The following CACNA1C variants were observed in gnomAD, a reference collection of about 807,000 sequenced individuals.
CACNA1C encodes voltage-dependent L-type calcium channel subunit alpha-1C.
In CACNA1C, 30 loss-of-function variants were observed where a neutral mutation model predicts 229.0. The observed-to-expected ratio is 0.13, with a 90% CI of 0.10 to 0.18. The LOEUF (loss-of-function observed/expected upper bound fraction) is 0.18, where lower values mean the gene tolerates loss of function less well. Among genes scored for constraint, CACNA1C ranks in the 10% least tolerant of loss-of-function variants. CACNA1C has a pLI of 1.00. For missense variants in CACNA1C, 1,658 were observed against 2,845.0 expected (o/e 0.58, Z 9.49); for synonymous variants, 1,114 against 1,132.5 (o/e 0.98, Z 0.33).
intron 4 of CACNA1C, among the ~76,000 whole-genome samples, chr12:2,456,596 G>C (rs1463660146): frequency 6.6e-6 from 1 of 152,100 alleles, no homozygotes; most frequent in Non-Finnish European, 1.5e-5. Flanking sequence ...TGGCTTACCT[G>C]CTTCCTCTGC....
intron 3 of CACNA1C, among the ~76,000 whole-genome samples, chr12:2,190,693 GCT>G (rs1181709562): frequency 1.3e-5 from 2 of 152,212 alleles, no homozygotes; most frequent in Non-Finnish European, 2.9e-5. Flanking sequence ...GGAGCACAGT[GCT>G]CTGAGTAGCC....
At chr12:2,259,797 A>C (rs2079369387) in intron 3 of CACNA1C, among the ~76,000 whole-genome samples, 1 of 152,324 alleles carries the variant, frequency 6.6e-6, no homozygotes, top group East Asian at 1.9e-4. Context: ...TTAGCCAGGC[A>C]TGGTGGCACG....
intron 3 of CACNA1C, among the ~76,000 whole-genome samples, chr12:2,180,970 A>G (rs534079455): frequency 1.8e-3 from 275 of 152,312 alleles, no homozygotes; most frequent in Non-Finnish European, 3.5e-3. Context: ...GATGACAACA[A>G]GAATAAAATA....
chr12:2,163,151 C>T (rs567701931), intron 3 of CACNA1C, among the ~76,000 whole-genome samples: 48 of 146,024 alleles, frequency 3.3e-4, no homozygotes, highest in African/African-American at 1.1e-3. Flanking sequence ...TGAGCCGAGC[C>T]GAGATCACGC....
At chr12:2,555,590 A>T (rs1036639872) in intron 10 of CACNA1C, among the ~76,000 whole-genome samples, 1 of 152,204 alleles carries the variant, frequency 6.6e-6, no homozygotes, top group African/African-American at 2.4e-5. Flanking sequence ...TGTGGCTGTA[A>T]ATAACAATGC....
At chr12:2,583,700 T>G (rs575139327) in intron 15 of CACNA1C, among the ~76,000 whole-genome samples, 1 of 152,352 alleles carries the variant, frequency 6.6e-6, no homozygotes, top group African/African-American at 2.4e-5. Context: ...CTGTAAAATG[T>G]GGCAATGGAA....
Position 2,449,000 on chromosome 12 carries a change from A to G in CACNA1C, c.502A>G (p.Ile168Val). The change falls in exon 4 of 47, where the codon ATA becomes GTA. Residue 168 changes from isoleucine (I) to valine (V), a missense_variant. By Grantham distance (29) the Ile-to-Val change is conservative. Transcript: ENST00000399655. ...NLERVEYLFL[I>V]IFTVEAFLKV... ...GGAACGAGTGGAATATCTCTTTCTC[A>G]TAATTTTTACGGTGGAAGCGTTTTT... 6.2e-7 allele frequency: 1 copy of G among 1,609,398 alleles called. No individual in the cohort carries two copies. Among genetic ancestry groups the G allele is most frequent in the Non-Finnish European group, 8.5e-7 (1 of 1,176,396 alleles).
At chr12:2,070,602 T>C (rs1241220519) in intron 1 of CACNA1C, among the ~76,000 whole-genome samples, 1 of 152,238 alleles carries the variant, frequency 6.6e-6, no homozygotes, top group Non-Finnish European at 1.5e-5. Context: ...GATATTCCAT[T>C]ATCTTCTGGA....
chr12:2,198,033 G>A lies in CACNA1C; in HGVS notation c.477+77603G>A, dbSNP rs752750050. 8.5e-5 allele frequency among the ~76,000 whole-genome samples: 13 copies of A among 152,138 alleles called. No individual in the cohort carries two copies. In the South Asian group the frequency reaches 1.9e-3, roughly 22 times the overall value. On this transcript the variant is annotated intron_variant, in intron 3 of 46. Coordinates refer to ENST00000399655, the MANE Select transcript of CACNA1C (RefSeq NM_000719.7). ...GCATTTTTACTACCGGAAGGCCCCC[G>A]TATGGAAATCACCTTCTCTCATTAT...
At chr12:2,194,250 G>GCCTCCT (rs56198094) in intron 3 of CACNA1C, among the ~76,000 whole-genome samples, 3 of 133,568 alleles carry the variant, frequency 2.2e-5, no homozygotes, top group South Asian at 2.5e-4. Flanking sequence ...CTCCTCCACT[G>GCCTCCT]CCTCCTCCTC....
At chr12:2,326,708 T>G (rs916975079) in intron 3 of CACNA1C, among the ~76,000 whole-genome samples, 3 of 152,234 alleles carry the variant, frequency 2.0e-5, no homozygotes, top group African/African-American at 7.2e-5. Flanking sequence ...CACCCTGTTC[T>G]CAAGGCCTGG....
At chr12:2,448,841 G>T in intron 3 of CACNA1C, 135 bp from the exon 4 acceptor site, 1 of 648,742 alleles carries the variant, frequency 1.5e-6, no homozygotes, top group Non-Finnish European at 2.6e-6. Flanking sequence ...AATTTGGCCT[G>T]GGTGTCCCCA....
rs1210464646 is a variant in CACNA1C at position 2,319,253 on chromosome 12, C to A, written c.478-129723C>A. On this transcript the variant is annotated intron_variant, in intron 3 of 46. Coordinates refer to ENST00000399655, the MANE Select transcript of CACNA1C (RefSeq NM_000719.7). This position sits in a 1 kb window ranked among gnomAD's most constrained non-coding sequence, Gnocchi z 4.0. ...AGCAGCTTACATGATGTGTAGTGTACATGGGGGCGGCGTGCATGGTGGGTG... is the reference window on the plus strand; with the variant it reads ...AGCAGCTTACATGATGTGTAGTGTAAATGGGGGCGGCGTGCATGGTGGGTG... 3.3e-5 allele frequency among the ~76,000 whole-genome samples: 5 copies of A among 152,046 alleles called. No individual in the cohort carries two copies. Among genetic ancestry groups the A allele is most frequent in the Non-Finnish European group, 5.9e-5 (4 of 67,986 alleles).
chr12:2,192,758 C>G (rs1339784891), intron 3 of CACNA1C, among the ~76,000 whole-genome samples: 1 of 151,762 alleles, frequency 6.6e-6, no homozygotes. Context: ...GCACTCCCCC[C>G]ACTCTCCCCC....
At chr12:2,523,504 A>G (rs1348925142) in intron 9 of CACNA1C, among the ~76,000 whole-genome samples, 2 of 152,098 alleles carry the variant, frequency 1.3e-5, no homozygotes, top group Non-Finnish European at 2.9e-5. Flanking sequence ...ACCGCCTCTG[A>G]TGATTCTGGG....
chr12:2,581,535 C>T (rs980379847), intron 13 of CACNA1C, 55 bp from the exon 14 acceptor site: 9 of 1,473,746 alleles, frequency 6.1e-6, no homozygotes, highest in South Asian at 5.5e-5. Flanking sequence ...GAATGAGGCA[C>T]GATGGGGAGG....
intron 3 of CACNA1C, among the ~76,000 whole-genome samples, chr12:2,318,072 T>C (rs1281317997): frequency 6.6e-6 from 1 of 152,060 alleles, no homozygotes; most frequent in Non-Finnish European, 1.5e-5. Context: ...GGGTGGTGGG[T>C]AGGAGTGGTG....
At chr12:2,323,222 C>G (rs2096107783) in intron 3 of CACNA1C, among the ~76,000 whole-genome samples, 1 of 152,140 alleles carries the variant, frequency 6.6e-6, no homozygotes, top group African/African-American at 2.4e-5. Context: ...AATTCACAAC[C>G]CTAAGGAAAT....
chr12:2,299,038 G>A (rs1566939066), intron 3 of CACNA1C, among the ~76,000 whole-genome samples: 3 of 152,190 alleles, frequency 2.0e-5, no homozygotes, highest in Admixed American at 6.5e-5. Flanking sequence ...ACATTTTAGT[G>A]TTATTAGTTT....
Sources: gnomAD v4.1 joint callset for allele counts (sites outside exome capture counted in the v4.1 genomes callset) on GRCh38, gnomAD v4.1.1 for gene constraint, Gnocchi (gnomAD v3.1) non-coding constraint, MANE v1.5 for transcripts, NCBI Gene and HGNC (gene_info 2026-07-23, HGNC 2026-07-21) for gene names.